The following RAB27A variants were observed in gnomAD, a reference collection of about 807,000 sequenced individuals.
RAB27A encodes RAB27A, member RAS oncogene family, also known as ras-related protein Rab-27A.
In RAB27A, 17 loss-of-function variants were observed where a neutral mutation model predicts 20.8. The observed-to-expected ratio is 0.82, with a 90% CI of 0.56 to 1.23. The LOEUF (loss-of-function observed/expected upper bound fraction) is 1.23. Ranked by LOEUF, RAB27A falls within the 50% of genes most tolerant of loss-of-function variation. RAB27A has a pLI of 0.00. For synonymous variants in RAB27A, 85 were observed against 92.8 expected (o/e 0.92, Z 0.48); for missense variants, 277 against 266.7 (o/e 1.04, Z -0.27).
intron 6 of RAB27A, among the ~76,000 whole-genome samples, chr15:55,210,160 CACAT>C (rs1457660909): frequency 3.3e-5 from 3 of 91,168 alleles, no homozygotes; most frequent in African/African-American, 2.1e-4. Flanking sequence ...TGTATACATA[CACAT>C]ACATATATAC....
rs1388634936 is a variant in RAB27A at position 55,241,600 on chromosome 15, T to TTCTATATATATATATATATATA, written c.-22-6645_-22-6644insTATATATATATATATATATAGA. On this transcript the variant is annotated intron_variant, in intron 2 of 6. Coordinates refer to ENST00000336787, the MANE Select transcript of RAB27A (RefSeq NM_183235.3). ...AGCCCAGGCAACTAGCAAGACCTAT[T>TTCTATATATATATATATATATA]TATATATATATATATATATATATAT... 2.5e-3 allele frequency among the ~76,000 whole-genome samples: 312 copies of TTCTATATATATATATATATATA among 123,778 alleles called. 30 individuals are homozygous for TTCTATATATATATATATATATA. Among genetic ancestry groups the TTCTATATATATATATATATATA allele is most frequent in the African/African-American group, 0.013 (300 of 23,352 alleles). The allele number at this position is 123,778 out of a possible 152,430, so 81.2% of individuals were successfully genotyped here.
intron 6 of RAB27A, among the ~76,000 whole-genome samples, chr15:55,221,869 G>A (rs1895588022): frequency 6.6e-6 from 1 of 152,114 alleles, no homozygotes; most frequent in Non-Finnish European, 1.5e-5. Context: ...ACACCAGCCA[G>A]GTCAGAGGCA....
At chr15:55,266,791 A>T (rs746193714) in intron 2 of RAB27A, among the ~76,000 whole-genome samples, 1 of 152,118 alleles carries the variant, frequency 6.6e-6, no homozygotes, top group Non-Finnish European at 1.5e-5. Flanking sequence ...TCTCAGACAC[A>T]CTCTCAACTA....
intron 2 of RAB27A, among the ~76,000 whole-genome samples, chr15:55,246,805 A>G (rs1014609934): frequency 2.0e-5 from 3 of 152,098 alleles, no homozygotes; most frequent in Non-Finnish European, 4.4e-5. Context: ...CACCACCAAG[A>G]AGCAAGCAGT....
intron 2 of RAB27A, among the ~76,000 whole-genome samples, chr15:55,261,390 C>A (rs760572465): frequency 6.6e-6 from 1 of 151,040 alleles, no homozygotes; most frequent in Non-Finnish European, 1.5e-5. Flanking sequence ...GAGTTAGACT[C>A]TGTCTCAAAA....
chr15:55,253,956 T>C (rs1896990365), intron 2 of RAB27A, among the ~76,000 whole-genome samples: 1 of 152,200 alleles, frequency 6.6e-6, no homozygotes. Flanking sequence ...TCAGAAACTA[T>C]GTTTGAGTGT....
At chr15:55,263,615 C>A (rs575728193) in intron 2 of RAB27A, among the ~76,000 whole-genome samples, 1 of 152,240 alleles carries the variant, frequency 6.6e-6, no homozygotes, top group Non-Finnish European at 1.5e-5. Flanking sequence ...TGAAGAGAGA[C>A]AAGGAATAAC....
At chr15:55,278,373 C>T (rs957102913) in intron 1 of RAB27A, among the ~76,000 whole-genome samples, 1 of 152,182 alleles carries the variant, frequency 6.6e-6, no homozygotes, top group Admixed American at 6.5e-5. Flanking sequence ...CAGAAATCAG[C>T]CTGCCACCTC....
At chr15:55,209,176 T>C (rs1894797610) in intron 6 of RAB27A, among the ~76,000 whole-genome samples, 1 of 152,190 alleles carries the variant, frequency 6.6e-6, no homozygotes, top group Non-Finnish European at 1.5e-5. Context: ...TATTTCAAGA[T>C]ATACAATAGA....
At chr15:55,276,623 G>C (rs909084270) in intron 1 of RAB27A, among the ~76,000 whole-genome samples, 1 of 152,182 alleles carries the variant, frequency 6.6e-6, no homozygotes, top group Non-Finnish European at 1.5e-5. Flanking sequence ...CAGAAGCAGA[G>C]AGCAGAATGA....
chr15:55,291,707 C>T (rs1898316878), upstream of RAB27A, among the ~76,000 whole-genome samples: 1 of 152,048 alleles, frequency 6.6e-6, no homozygotes, highest in African/African-American at 2.4e-5. Flanking sequence ...AAGGCTCTCA[C>T]CAGGAGTATA....
rs533571219 is a variant in RAB27A at position 55,285,922 on chromosome 15, T to C, written c.-143+3794A>G. Reference sequence around the variant, plus strand: ...TAGACAGAGGGCTCCGGTCTGCCACTGTGGGAGGGACCAAAATCCTCACCT... The same window carrying C: ...TAGACAGAGGGCTCCGGTCTGCCACCGTGGGAGGGACCAAAATCCTCACCT... On this transcript the variant is annotated intron_variant, in intron 1 of 6. Transcript: ENST00000336787. 1.2e-4 allele frequency among the ~76,000 whole-genome samples: 18 copies of C among 152,356 alleles called. 1 individual carries two copies. Among genetic ancestry groups the C allele is most frequent in the Admixed American group, 4.6e-4 (7 of 15,298 alleles).
chr15:55,231,024 C>G (rs937801121), intron 3 of RAB27A, among the ~76,000 whole-genome samples: 2 of 152,104 alleles, frequency 1.3e-5, no homozygotes, highest in Non-Finnish European at 1.5e-5. Context: ...TATGTCCATG[C>G]GTACCCATTG....
intron 2 of RAB27A, among the ~76,000 whole-genome samples, chr15:55,245,902 G>A (rs1000879887): frequency 2.0e-5 from 3 of 152,040 alleles, no homozygotes; most frequent in Admixed American, 1.3e-4. Context: ...TTGAGGTCAG[G>A]AGTTCAAAAC....
chr15:55,221,815 T>C (rs909822748), intron 6 of RAB27A, among the ~76,000 whole-genome samples: 2 of 152,126 alleles, frequency 1.3e-5, no homozygotes. Flanking sequence ...CCAGGTGATG[T>C]TGTTAGCCCT....
intron 1 of RAB27A, among the ~76,000 whole-genome samples, chr15:55,316,412 A>G (rs1481662384): frequency 3.3e-5 from 3 of 91,186 alleles, no homozygotes; most frequent in South Asian, 4.1e-4. Flanking sequence ...AACATCACAC[A>G]CTGGGGCCTG....
At chr15:55,280,114 T>C (rs1422730768) in intron 1 of RAB27A, among the ~76,000 whole-genome samples, 3 of 152,220 alleles carry the variant, frequency 2.0e-5, no homozygotes, top group African/African-American at 4.8e-5. Context: ...GTATATTTCC[T>C]GTTTGACACT....
intron 6 of RAB27A, among the ~76,000 whole-genome samples, chr15:55,213,653 T>C (rs974069966): frequency 2.0e-5 from 3 of 152,188 alleles, no homozygotes; most frequent in South Asian, 2.1e-4. Flanking sequence ...CATTAGATTC[T>C]CATAGGAGCA....
chr15:55,296,815 A>C (rs2054951395), intron 2 of RAB27A, among the ~76,000 whole-genome samples: 1 of 152,022 alleles, frequency 6.6e-6, no homozygotes, highest in African/African-American at 2.4e-5. Context: ...CTTGCTTCAG[A>C]GCAGTGACTG....
Sources: gnomAD v4.1 joint callset for allele counts (sites outside exome capture counted in the v4.1 genomes callset) on GRCh38, gnomAD v4.1.1 for gene constraint, MANE v1.5 for transcripts, NCBI Gene and HGNC (gene_info 2026-07-23, HGNC 2026-07-21) for gene names.